KCNK13: variants seen among roughly 807,000 people sequenced by gnomAD.
KCNK13 encodes potassium two pore domain channel subfamily K member 13, also known as potassium channel subfamily K member 13.
Under a neutral mutation model 23.4 loss-of-function variants are expected in KCNK13, and 12 were observed. That is an observed-to-expected ratio of 0.51 (90% confidence interval 0.33 to 0.83). KCNK13 has a LOEUF of 0.83. Ranked by LOEUF, KCNK13 falls within the 40% of genes least tolerant of loss-of-function variation. KCNK13 has a pLI of 0.02. For missense variants in KCNK13, 463 were observed against 556.3 expected (o/e 0.83, Z 1.69); for synonymous variants, 231 against 229.5 (o/e 1.01, Z -0.06).
At chr14:90,098,720 A>G (rs1172419833) in intron 1 of KCNK13, among the ~76,000 whole-genome samples, 1 of 151,856 alleles carries the variant, frequency 6.6e-6, no homozygotes. Context: ...TTTCTCTCTC[A>G]TTACCAAGGA....
chr14:90,172,927 A>G (rs1890381924), intron 1 of KCNK13, among the ~76,000 whole-genome samples: 1 of 152,228 alleles, frequency 6.6e-6, no homozygotes, highest in Non-Finnish European at 1.5e-5. Context: ...TGTGAAACCC[A>G]CTGCCCTTGC....
intron 1 of KCNK13, among the ~76,000 whole-genome samples, chr14:90,179,676 G>A (rs1959004): frequency 0.63 from 95,216 of 152,078 alleles, 32,018 homozygotes; most frequent in East Asian, 0.92. Context: ...GCTGAACACC[G>A]ATCAGATAAC....
Position 90,100,396 on chromosome 14 carries a change from G to A in KCNK13, c.334+37857G>A, listed in dbSNP as rs185842914. Among the ~76,000 whole-genome samples the A allele has an allele frequency of 1.6e-4, 25 of 152,186 alleles. No homozygotes were observed. The East Asian group carries it at 2.3e-3, about 14-fold the overall frequency. On this transcript the variant is annotated intron_variant, in intron 1 of 1. Coordinates refer to ENST00000282146, the MANE Select transcript of KCNK13 (RefSeq NM_022054.4). ...GGAAGCTGATTCTGCATGAAATTAC[G>A]TTCAACAAGCTACTTTTTGGCTGGT...
chr14:90,138,921 T>G (rs74082631), intron 1 of KCNK13, among the ~76,000 whole-genome samples: 1 of 152,026 alleles, frequency 6.6e-6, no homozygotes, highest in Non-Finnish European at 1.5e-5. Context: ...GGGAAGAGTA[T>G]GGCCAGAAAA....
At chr14:90,143,183 T>TC (rs756050024) in intron 1 of KCNK13, among the ~76,000 whole-genome samples, 1 of 17,116 alleles carries the variant, frequency 5.8e-5, no homozygotes, top group Non-Finnish European at 2.0e-4. Flanking sequence ...TTCTTTTCTT[T>TC]TCTTTTCTTT....
At chr14:90,165,009 G>T (rs1890287936) in intron 1 of KCNK13, among the ~76,000 whole-genome samples, 1 of 152,216 alleles carries the variant, frequency 6.6e-6, no homozygotes, top group Non-Finnish European at 1.5e-5. Context: ...GCGTGGCTGA[G>T]GAGGCCTCGC....
chr14:90,109,306 A>G (rs1889585634), intron 1 of KCNK13, among the ~76,000 whole-genome samples: 1 of 152,202 alleles, frequency 6.6e-6, no homozygotes, highest in South Asian at 2.1e-4. Context: ...ATAGATGAAA[A>G]AAAAGAATTA....
intron 1 of KCNK13, among the ~76,000 whole-genome samples, chr14:90,098,107 A>G (rs898712273): frequency 4.6e-5 from 7 of 152,110 alleles, no homozygotes; most frequent in African/African-American, 1.7e-4. Context: ...TATATGCTCC[A>G]TGTGCCACAC....
chr14:90,105,095 C>T (rs1889528868), intron 1 of KCNK13, among the ~76,000 whole-genome samples: 1 of 152,018 alleles, frequency 6.6e-6, no homozygotes, highest in Non-Finnish European at 1.5e-5. Flanking sequence ...GGATCAGCTA[C>T]TTTCCAACTC....
chr14:90,106,283 A>G (rs1374444813), intron 1 of KCNK13, among the ~76,000 whole-genome samples: 1 of 152,214 alleles, frequency 6.6e-6, no homozygotes, highest in Non-Finnish European at 1.5e-5. Flanking sequence ...AATATGCAAA[A>G]TAAGAAAGGT....
chr14:90,128,921 C>A (rs552455215), intron 1 of KCNK13, among the ~76,000 whole-genome samples: 1 of 152,324 alleles, frequency 6.6e-6, no homozygotes, highest in African/African-American at 2.4e-5. Context: ...AGGACGGAGG[C>A]ATTATCAGTA....
intron 1 of KCNK13, among the ~76,000 whole-genome samples, chr14:90,096,138 C>T (rs1208579125): frequency 6.6e-6 from 1 of 152,162 alleles, no homozygotes; most frequent in East Asian, 1.9e-4. Flanking sequence ...CAAACCTTGT[C>T]CTTTGGGGTT....
rs1889602871 is a variant in KCNK13, at chr14:90,110,491, A to C, written c.334+47952A>C. ...TGAGTCTTCGTCTCAAAAAAGAAAA[A>C]AAAAAAAAGCATCTGATTCAGGAGC... On this transcript the variant is annotated intron_variant, in intron 1 of 1. Coordinates refer to ENST00000282146, the MANE Select transcript of KCNK13 (RefSeq NM_022054.4). Among the ~76,000 whole-genome samples the C allele has an allele frequency of 2.0e-5, 3 of 148,506 alleles. No individual in the cohort carries two copies. The South Asian group carries it at 6.8e-4, about 34-fold the overall frequency.
Position 90,185,090 on chromosome 14 carries a change from T to A in KCNK13, c.*87T>A. On this transcript the variant is annotated 3_prime_UTR_variant, in exon 2 of 2. Coordinates refer to ENST00000282146, the MANE Select transcript of KCNK13 (RefSeq NM_022054.4). ...GACGAGCTCAGCCCTGCGCCTTGGCTCTGTTCCTTCTGGGAGCTGTTCCCG... is the reference window on the plus strand; with the variant it reads ...GACGAGCTCAGCCCTGCGCCTTGGCACTGTTCCTTCTGGGAGCTGTTCCCG... The A allele has an allele frequency of 3.3e-6, 4 of 1,213,764 alleles. No individual in the cohort carries two copies. The highest frequency in any genetic ancestry group is 4.4e-6 in the Non-Finnish European group (4 of 901,032). The allele number at this position is 1,213,764 out of a possible 1,614,324, so 75.2% of individuals were successfully genotyped here. A position where few individuals can be genotyped will look rare whatever the true frequency, so the allele number is the denominator to read the frequency against.
intron 1 of KCNK13, among the ~76,000 whole-genome samples, chr14:90,127,752 G>A (rs1399640337): frequency 2.0e-5 from 3 of 147,000 alleles, no homozygotes; most frequent in Non-Finnish European, 3.0e-5. Flanking sequence ...CCAGGAGTTC[G>A]AGGCTGCAGT....
In KCNK13 at chr14:90,062,156, C is replaced by A; in HGVS notation, c.-50C>A. 2.5e-6 allele frequency: 3 copies of A among 1,220,040 alleles called. No individual in the cohort carries two copies. The highest frequency in any genetic ancestry group is 2.1e-5 in the South Asian group (1 of 48,712). 75.6% of individuals were successfully genotyped at this position (1,220,040 alleles called of 1,614,324 possible). A position where few individuals can be genotyped will look rare whatever the true frequency, so the allele number is the denominator to read the frequency against. On this transcript the variant is annotated 5_prime_UTR_variant, in exon 1 of 2. Coordinates refer to ENST00000282146, the MANE Select transcript of KCNK13 (RefSeq NM_022054.4). This position sits in a 1 kb window ranked among gnomAD's most constrained non-coding sequence, Gnocchi z 4.5. Reference sequence around the variant, plus strand: ...TTTCCCGGGGGTGTGGGCGAGACTCCGCCGACGCCCGGTGCCGTGGGCCTG... The same window carrying A: ...TTTCCCGGGGGTGTGGGCGAGACTCAGCCGACGCCCGGTGCCGTGGGCCTG...
chr14:90,111,638 G>T (rs1259660039), intron 1 of KCNK13, among the ~76,000 whole-genome samples: 13 of 152,056 alleles, frequency 8.5e-5, no homozygotes, highest in African/African-American at 3.1e-4. Context: ...AAGGTTATTT[G>T]GGGCATCTGG....
At chr14:90,067,527 A>G (rs528821858) in intron 1 of KCNK13, among the ~76,000 whole-genome samples, 37 of 152,298 alleles carry the variant, frequency 2.4e-4, no homozygotes, top group African/African-American at 8.9e-4. Flanking sequence ...TTGGGTATAG[A>G]TAGTGGTGAT....
At chr14:90,170,334 C>T (rs900416213) in intron 1 of KCNK13, among the ~76,000 whole-genome samples, 5 of 152,132 alleles carry the variant, frequency 3.3e-5, no homozygotes, top group Non-Finnish European at 7.4e-5. Context: ...CTGCCTCAGC[C>T]TCCCAAGTAA....
Sources: allele counts gnomAD v4.1 joint callset (sites outside exome capture counted in the v4.1 genomes callset), GRCh38; gene constraint gnomAD v4.1.1; non-coding constraint Gnocchi (gnomAD v3.1); transcripts MANE v1.5; gene names NCBI Gene and HGNC (gene_info 2026-07-23, HGNC 2026-07-21).